Variants in ZP2 observed in about 807,000 individuals in gnomAD.
ZP2 encodes zona pellucida glycoprotein 2.
Under a neutral mutation model 84.0 loss-of-function variants are expected in ZP2, and 51 were observed. That is an observed-to-expected ratio of 0.61 (90% CI 0.49 to 0.77). The LOEUF is 0.77. Among genes scored for constraint, ZP2 ranks in the 30% least tolerant of loss-of-function variants. The probability of loss-of-function intolerance (pLI) is 0.00; values close to 1 mark genes in which losing one functional copy is unlikely to be tolerated. For missense variants in ZP2, 909 were observed against 911.9 expected, an observed-to-expected ratio of 1.00 and a Z score of 0.04; for synonymous variants, 375 against 330.9, an observed-to-expected ratio of 1.13 and a Z score of -1.45.
At position 21,201,796 on chromosome 16, in the gene ZP2, T is replaced by C. The variant is rs778088482; in HGVS notation, c.1414A>G (p.Met472Val). 1.2e-6 allele frequency: 2 copies of C among 1,614,142 alleles called. No homozygotes were observed. The highest frequency in any genetic ancestry group is 1.7e-6 in the Non-Finnish European group (2 of 1,179,996). Residue 472 changes from methionine to valine, a missense_variant, in exon 13 of 19, where the codon ATG becomes GTG. Transcript: ENST00000574091. The part of the protein sequence containing the change: ...TVKCSYSRND[M>V]LLNINVESLT... ...CTTTCAACGTTGATGTTTAGTAGCA[T>C]GTCATTCCTGCTATAAGAACACTTC...
At position 21,204,126 on chromosome 16, in the gene ZP2, C is replaced by G. The variant is rs1216485503; in HGVS notation, c.876G>C (p.Gln292His). The G allele has an allele frequency of 3.7e-6, 6 of 1,614,162 alleles. No individual in the cohort carries two copies. Among genetic ancestry groups the G allele is most frequent in the Non-Finnish European group, 5.1e-6 (6 of 1,180,034 alleles). ...GKLKSVSFEN[Q>H]NIDVSQLHDN... is the part of the protein sequence containing the mutation. ...CATGCAGCTGGCTCACATCAATGTT[C>G]TGGTTTTCAAAGCTCACAGACTTAA... Residue 292 changes from glutamine (Q) to histidine (H), a missense_variant, in exon 9 of 19, where the codon CAG becomes CAC. Transcript: ENST00000574091.
chr16:21,208,050 A>G (rs1555459155), intron 4 of ZP2, among the ~76,000 whole-genome samples: 1 of 152,078 alleles, frequency 6.6e-6, no homozygotes, highest in Non-Finnish European at 1.5e-5. Context: ...TGAAATCCCC[A>G]TTTTGACAAG....
intron 4 of ZP2, among the ~76,000 whole-genome samples, chr16:21,208,902 T>G (rs1457756244): frequency 6.6e-6 from 1 of 152,160 alleles, no homozygotes; most frequent in African/African-American, 2.4e-5. Flanking sequence ...CAAACAGGCT[T>G]GAAAGGGCTC....
chr16:21,204,307 C>T lies in ZP2; in HGVS notation c.790+1G>A. 2.5e-6 allele frequency: 4 copies of T among 1,614,044 alleles called. No homozygotes were observed. Among genetic ancestry groups the T allele is most frequent in the Non-Finnish European group, 3.4e-6 (4 of 1,179,954 alleles). On this transcript the variant is annotated splice_donor_variant, in intron 8 of 18. Transcript: ENST00000574091. LOFTEE classifies it high-confidence loss of function. ...GAGGTTGCAGCTATCTGGGACCTTA[C>T]CTGGTGCACAAATAGCTTGTGAAGA...
intron 5 of ZP2, among the ~76,000 whole-genome samples, chr16:21,206,431 A>G (rs1454015562): frequency 5.3e-5 from 8 of 152,192 alleles, no homozygotes; most frequent in African/African-American, 2.4e-5. Flanking sequence ...CATTGTTGAC[A>G]TTAGCCATGT....
chr16:21,199,303 A>G (rs1297630653), intron 16 of ZP2, among the ~76,000 whole-genome samples: 1 of 143,652 alleles, frequency 7.0e-6, no homozygotes, highest in Non-Finnish European at 1.5e-5. Flanking sequence ...CTGGGCAACA[A>G]GAGCAAAACT....
In ZP2 at chr16:21,201,613, A is replaced by G. The variant is rs573105450; in HGVS notation, c.1505-55T>C. 6.9e-6 allele frequency: 11 copies of G among 1,605,744 alleles called. No individual in the cohort carries two copies. In the East Asian group the frequency reaches 8.9e-5, roughly 13 times the overall value. ...TGGCTGCAACACAGATTCATAGGTC[A>G]TCACTGCTCCATTAGTCTGGCAGTA... On this transcript the variant is annotated intron_variant, in intron 13 of 18. Transcript: ENST00000574091.
At chr16:21,210,066 G>T in intron 3 of ZP2, 43 bp downstream of exon 3, 2 of 1,566,444 alleles carry the variant, frequency 1.3e-6, no homozygotes, top group Non-Finnish European at 1.8e-6. Context: ...GCCAAAGGCT[G>T]TCTGCTAATC....
intron 14 of ZP2, among the ~76,000 whole-genome samples, 164 bp downstream of exon 14, chr16:21,201,203 CAA>C (rs74269334): frequency 1.1e-4 from 12 of 112,226 alleles, no homozygotes; most frequent in Admixed American, 5.3e-4. Context: ...CATCTCAAAA[CAA>C]AAAAAAAAAA....
intron 4 of ZP2, among the ~76,000 whole-genome samples, chr16:21,208,729 C>A (rs954713123): frequency 2.6e-5 from 4 of 152,202 alleles, no homozygotes; most frequent in African/African-American, 7.2e-5. Context: ...TATTTGCTAG[C>A]ACCAAAATAG....
At chr16:21,205,335 A>AT (rs1567214836) in intron 7 of ZP2, 85 bp downstream of exon 7, 10 of 1,497,070 alleles carry the variant, frequency 6.7e-6, no homozygotes, top group Admixed American at 5.6e-5. Context: ...TTATAAATTA[A>AT]TGTGAAGACA....
chr16:21,209,020 TTC>T (rs1340753367), intron 4 of ZP2, among the ~76,000 whole-genome samples: 7 of 152,196 alleles, frequency 4.6e-5, no homozygotes, highest in African/African-American at 1.7e-4. Flanking sequence ...GTCCTGGTAA[TTC>T]TGTGTTATGG....
At chr16:21,197,962 T>G in intron 17 of ZP2, 113 bp from the exon 18 acceptor site, 1 of 1,028,912 alleles carries the variant, frequency 9.7e-7, no homozygotes, top group South Asian at 1.4e-5. Context: ...CAGGTAAGGG[T>G]ATGTGTTAAC....
In ZP2 at chr16:21,198,850, G is replaced by A. The variant is rs768222970; in HGVS notation, c.1940C>T (p.Thr647Ile). The A allele has an allele frequency of 2.5e-6, 4 of 1,613,918 alleles. No homozygotes were observed. Among genetic ancestry groups the A allele is most frequent in the Non-Finnish European group, 3.4e-6 (4 of 1,179,924 alleles). ...SSRHRRATGA[T>I]EAEKMTVSLP... ...GCTGACTGTCATTTTCTCTGCTTCA[G>A]TGGCCCCTGTGGCTGGAGACAGATG... Residue 647 changes from threonine (T) to isoleucine (I), a missense_variant, in exon 17 of 19, where the codon ACT (threonine) becomes ATT (isoleucine). Coordinates refer to ENST00000574091, the MANE Select transcript of ZP2 (RefSeq NM_001376232.1).
intron 4 of ZP2, among the ~76,000 whole-genome samples, chr16:21,207,304 AC>A (rs2093254315): frequency 6.6e-6 from 1 of 152,048 alleles, no homozygotes; most frequent in Non-Finnish European, 1.5e-5. Flanking sequence ...TTATCTGAAT[AC>A]TTGTTAAGCA....
At position 21,202,266 on chromosome 16, in the gene ZP2, A is replaced by G. The variant is rs759982923; in HGVS notation, c.1125T>C (p.Asp375=). The G allele has an allele frequency of 8.5e-6, 13 of 1,536,384 alleles. No individual in the cohort carries two copies. In the Admixed American group the frequency reaches 1.1e-4, roughly 13 times the overall value. ...TGTAGACCTCGACGTCCATAAACCCATCCTGGGTGCACAGCTCCCCTGTAA... is the reference window on the plus strand; with the variant it reads ...TGTAGACCTCGACGTCCATAAACCCGTCCTGGGTGCACAGCTCCCCTGTAA... The part of the protein sequence containing the change: ...SIVTGELCTQ[D]GFMDVEVYSY... The change falls in exon 11 of 19, where the codon GAT becomes GAC. Residue 375 remains aspartate (D), a synonymous_variant. Coordinates refer to ENST00000574091, the MANE Select transcript of ZP2 (RefSeq NM_001376232.1).
chr16:21,205,849 G>C (rs564518113), intron 5 of ZP2, 74 bp from the exon 6 acceptor site: 1 of 1,514,954 alleles, frequency 6.6e-7, no homozygotes, highest in Admixed American at 1.7e-5. Flanking sequence ...AGAAATTGCT[G>C]TGTGGTTGTC....
upstream of ZP2, chr16:21,211,887 G>A: frequency 1.2e-6 from 1 of 867,878 alleles, no homozygotes. Flanking sequence ...AGAGAATCAT[G>A]GGCTTTATTG....
chr16:21,208,123 G>A (rs898439550), intron 4 of ZP2, among the ~76,000 whole-genome samples: 8 of 152,062 alleles, frequency 5.3e-5, no homozygotes, highest in East Asian at 3.9e-4. Context: ...AGGCTGAGAC[G>A]GGAGAATCCC....
Sources: gnomAD v4.1 joint callset for allele counts (sites outside exome capture counted in the v4.1 genomes callset) on GRCh38, gnomAD v4.1.1 for gene constraint, MANE v1.5 for transcripts, NCBI Gene and HGNC (gene_info 2026-07-23, HGNC 2026-07-21) for gene names.